The following UGT1A9 variants were observed in gnomAD, a reference collection of about 807,000 sequenced individuals.
UGT1A9 encodes the protein UDP glucuronosyltransferase family 1 member A9, also known as UDP-glucuronosyltransferase 1A9.
UGT1A9 carries 35 observed loss-of-function variants against 45.0 expected under a neutral mutation model. That is an observed-to-expected ratio of 0.78 (90% confidence interval 0.59 to 1.03). UGT1A9 has a LOEUF of 1.03. Ranked by LOEUF, UGT1A9 falls within the 50% of genes least tolerant of loss-of-function variation. UGT1A9 has a pLI of 0.00. For missense variants in UGT1A9, 687 were observed against 666.6 expected, an observed-to-expected ratio of 1.03 and a Z score of -0.34; for synonymous variants, 278 against 250.6, an observed-to-expected ratio of 1.11 and a Z score of -1.03.
At chr2:233,771,541 A>C (rs1305136461) in intron 4 of UGT1A9, 1 of 152,298 alleles carries the variant, frequency 6.6e-6, no homozygotes, top group African/African-American at 2.4e-5. Flanking sequence ...TTTGGCACTT[A>C]CAAATGGCTG....
At chr2:233,693,306 A>C in intron 1 of UGT1A9, 1 of 1,614,218 alleles carries the variant, frequency 6.2e-7, no homozygotes, top group Non-Finnish European at 8.5e-7. Flanking sequence ...CACTTTGCTG[A>C]GCGATCATTC....
intron 1 of UGT1A9, chr2:233,691,453 G>C (rs2075043201): frequency 2.1e-5 from 21 of 985,678 alleles, no homozygotes; most frequent in Non-Finnish European, 2.5e-5. Flanking sequence ...TCCCTTCCTG[G>C]GCCCCAGAAC....
intron 1 of UGT1A9, chr2:233,755,445 C>T (rs953551785): frequency 7.1e-5 from 22 of 311,136 alleles, no homozygotes; most frequent in South Asian, 1.2e-4. Flanking sequence ...ATGCAGTGCT[C>T]CTGGGACTGG....
chr2:233,744,000 G>T, intron 1 of UGT1A9: 1 of 1,221,194 alleles, frequency 8.2e-7, no homozygotes, highest in South Asian at 1.4e-5. Flanking sequence ...CGAGTGCTCG[G>T]AGACCTGGGC....
In UGT1A9 at chr2:233,674,785, A is replaced by C. The variant is rs138825797; in HGVS notation, c.855+1996A>C. Among the ~76,000 whole-genome samples the C allele has an allele frequency of 2.0e-3, 312 of 152,296 alleles. 2 individuals are homozygous for C. Among genetic ancestry groups the C allele is most frequent in the African/African-American group, 7.2e-3 (300 of 41,576 alleles). ...TACGTGTAAAGCCAGCGGAGTTCTC[A>C]CAGAGGAATTCAGAACTCAAAGAAG... is the stretch of plus-strand genomic sequence containing the variant. On this transcript the variant is annotated intron_variant, in intron 1 of 4. Transcript: ENST00000354728.
intron 1 of UGT1A9, among the ~76,000 whole-genome samples, chr2:233,732,611 G>A (rs570664429): frequency 1.3e-5 from 2 of 152,306 alleles, no homozygotes; most frequent in East Asian, 3.9e-4. Flanking sequence ...AGATCAAATG[G>A]TTGTAGATGT....
chr2:233,738,951 T>G (rs1690944687), intron 1 of UGT1A9: 1 of 152,230 alleles, frequency 6.6e-6, no homozygotes, highest in Non-Finnish European at 1.5e-5. Context: ...TGTTTTAGGC[T>G]GGGTCCAGGC....
chr2:233,727,172 G>A (rs930119723), intron 1 of UGT1A9, among the ~76,000 whole-genome samples: 2 of 152,114 alleles, frequency 1.3e-5, no homozygotes, highest in African/African-American at 2.4e-5. Flanking sequence ...GCTTTTTTCT[G>A]TCTCTGGACT....
At chr2:233,755,285 A>C (rs1468695441) in intron 1 of UGT1A9, 1 of 681,694 alleles carries the variant, frequency 1.5e-6, no homozygotes, top group Non-Finnish European at 2.3e-6. Flanking sequence ...ACTGCCAAAG[A>C]GCCTGCGGGG....
chr2:233,750,415 A>C (rs2885296), intron 1 of UGT1A9, among the ~76,000 whole-genome samples: 45,966 of 151,754 alleles, frequency 0.3, 7,352 homozygotes, highest in South Asian at 0.39. Context: ...CATGTGGTAG[A>C]AAAGAAAAAC....
intron 1 of UGT1A9, among the ~76,000 whole-genome samples, chr2:233,766,551 C>T (rs564580695): frequency 6.6e-6 from 1 of 152,328 alleles, no homozygotes; most frequent in East Asian, 1.9e-4. Flanking sequence ...TGCCTGTCCT[C>T]ACCTAGGTCC....
chr2:233,757,555 T>TATATATATATATACATATAC, intron 1 of UGT1A9, among the ~76,000 whole-genome samples: 3 of 125,180 alleles, frequency 2.4e-5, no homozygotes, highest in Non-Finnish European at 3.3e-5. Flanking sequence ...TATATATATA[T>TATATATATATATACATATAC]ATATATGTAT....
chr2:233,687,583 TA>T (rs71398794), intron 1 of UGT1A9, among the ~76,000 whole-genome samples: 1,418 of 107,430 alleles, frequency 0.013, 6 homozygotes, highest in Middle Eastern at 0.015. Flanking sequence ...ACATTCTTTG[TA>T]AAAAAAAAAA....
At chr2:233,675,885 C>T (rs925540036) in intron 1 of UGT1A9, among the ~76,000 whole-genome samples, 27 of 152,070 alleles carry the variant, frequency 1.8e-4, no homozygotes, top group Admixed American at 1.2e-3. Context: ...GCCACAATAT[C>T]ATTATCATAT....
At chr2:233,748,253 G>T (rs1389891866) in intron 1 of UGT1A9, among the ~76,000 whole-genome samples, 3 of 151,736 alleles carry the variant, frequency 2.0e-5, no homozygotes, top group Non-Finnish European at 2.9e-5. Flanking sequence ...CGTATTTCAG[G>T]TTTTAAATGG....
chr2:233,674,514 C>T (rs1159534738), intron 1 of UGT1A9, among the ~76,000 whole-genome samples: 1 of 152,100 alleles, frequency 6.6e-6, no homozygotes, highest in African/African-American at 2.4e-5. Context: ...TTTATTGTGC[C>T]TCACAGCGTC....
In UGT1A9 at chr2:233,672,789, G is replaced by A. The variant is rs2074242199; in HGVS notation, c.855G>A (p.Met285Ile). The A allele has an allele frequency of 1.2e-6, 2 of 1,612,514 alleles. No homozygotes were observed. The highest frequency in any genetic ancestry group is 1.7e-6 in the Non-Finnish European group (2 of 1,179,048). The change falls in exon 1 of 5, where the codon ATG becomes ATA. Residue 285 changes from methionine (M) to isoleucine (I), a missense_variant and splice_region_variant. Physicochemically the swap from Met to Ile is conservative, Grantham distance 10. Transcript: ENST00000354728. Reference protein sequence around the residue: ...INCHQGKPLPMEFEAYINASG... With the variant: ...INCHQGKPLPIEFEAYINASG... ...GCCATCAGGGAAAGCCGTTGCCTAT[G>A]GTAAGTTATCTCTCCTTTAGCACCT...
chr2:233,759,453 T>C (rs1697142782), intron 1 of UGT1A9, among the ~76,000 whole-genome samples: 1 of 152,190 alleles, frequency 6.6e-6, no homozygotes, highest in Non-Finnish European at 1.5e-5. Context: ...CAGGCCCAGT[T>C]AGCCACTCAA....
chr2:233,682,509 C>G, intron 1 of UGT1A9: 8 of 1,613,890 alleles, frequency 5.0e-6, no homozygotes, highest in Non-Finnish European at 6.8e-6. Context: ...TCCTATGTCC[C>G]CAGACTTCTC....
Sources: allele counts gnomAD v4.1 joint callset (sites outside exome capture counted in the v4.1 genomes callset), GRCh38; gene constraint gnomAD v4.1.1; transcripts MANE v1.5; gene names NCBI Gene and HGNC (gene_info 2026-07-23, HGNC 2026-07-21).